GRID2: variants seen among roughly 807,000 people sequenced by gnomAD.
The protein encoded by GRID2 is glutamate receptor ionotropic, delta-2.
Under a neutral mutation model 114.8 loss-of-function variants are expected in GRID2, and 33 were observed. That is an observed-to-expected ratio of 0.29 (90% CI 0.22 to 0.38). GRID2 has a LOEUF of 0.38. Among genes scored for constraint, GRID2 ranks in the 10% least tolerant of loss-of-function variants. The probability of loss-of-function intolerance (pLI) is 1.00; values close to 1 mark genes in which losing one functional copy is unlikely to be tolerated. For synonymous variants in GRID2, 505 were observed against 449.9 expected, an observed-to-expected ratio of 1.12 and a Z score of -1.55; for missense variants, 1,184 against 1,257.7, an observed-to-expected ratio of 0.94 and a Z score of 0.89.
intron 2 of GRID2, among the ~76,000 whole-genome samples, chr4:92,759,870 C>A (rs1737906730): frequency 6.6e-6 from 1 of 151,070 alleles, no homozygotes; most frequent in Non-Finnish European, 1.5e-5. Flanking sequence ...CAGGTGATCA[C>A]CTGCCTCAGC....
At chr4:93,305,732 G>T (rs1016046713) in intron 8 of GRID2, among the ~76,000 whole-genome samples, 1 of 152,280 alleles carries the variant, frequency 6.6e-6, no homozygotes, top group African/African-American at 2.4e-5. Flanking sequence ...TGGAACAGGA[G>T]CAGCCAGCAT....
chr4:93,511,136 C>T (rs1393610807), intron 12 of GRID2, among the ~76,000 whole-genome samples: 1 of 151,984 alleles, frequency 6.6e-6, no homozygotes, highest in African/African-American at 2.4e-5. Flanking sequence ...AGGGTTTCAC[C>T]ATGTTGGCCA....
chr4:93,123,883 G>C (rs2149365408), intron 4 of GRID2, among the ~76,000 whole-genome samples: 1 of 148,018 alleles, frequency 6.8e-6, no homozygotes, highest in East Asian at 2.0e-4. Flanking sequence ...TTTTTATTGA[G>C]TTTTCCCTCC....
In GRID2 at chr4:93,344,053, T is replaced by G. The variant is rs144000724; in HGVS notation, c.1246-51554T>G. On this transcript the variant is annotated intron_variant, in intron 8 of 15. Coordinates refer to ENST00000282020, the MANE Select transcript of GRID2 (RefSeq NM_001510.4). ...TTGTCTGAAATTTCAAATGAAGACC[T>G]TTCCAAAGTAATAGTTATAAGTAAA... Among the ~76,000 whole-genome samples the G allele has an allele frequency of 4.3e-4, 66 of 152,190 alleles. No homozygotes were observed. The East Asian group carries it at 4.8e-3, about 11-fold the overall frequency.
At chr4:92,661,677 C>T (rs1732526130) in intron 2 of GRID2, among the ~76,000 whole-genome samples, 2 of 150,694 alleles carry the variant, frequency 1.3e-5, no homozygotes, top group Admixed American at 6.6e-5. Context: ...TAATATCAGC[C>T]ATTTAAATTT....
At chr4:93,645,332 C>G (rs1291770351) in intron 14 of GRID2, among the ~76,000 whole-genome samples, 1 of 152,048 alleles carries the variant, frequency 6.6e-6, no homozygotes, top group Non-Finnish European at 1.5e-5. Context: ...GTATGTTGAA[C>G]TTGGGGCACC....
At chr4:92,848,886 C>T (rs555607947) in intron 2 of GRID2, among the ~76,000 whole-genome samples, 149 of 151,974 alleles carry the variant, frequency 9.8e-4, no homozygotes, top group Admixed American at 4.1e-3. Context: ...TGTGAGGACA[C>T]TGTGAGGGAG....
intron 14 of GRID2, among the ~76,000 whole-genome samples, chr4:93,692,802 A>G (rs1483712987): frequency 6.6e-6 from 1 of 152,166 alleles, no homozygotes; most frequent in Non-Finnish European, 1.5e-5. Context: ...AGGAATGAAC[A>G]TGCTATTTTT....
intron 10 of GRID2, among the ~76,000 whole-genome samples, chr4:93,426,886 C>G (rs114144272): frequency 0.012 from 1,833 of 151,906 alleles, 39 homozygotes; most frequent in African/African-American, 0.042. Context: ...TTTTGTTCAA[C>G]CGGATATTTA....
chr4:93,450,560 A>G (rs887327783), intron 10 of GRID2, among the ~76,000 whole-genome samples: 1 of 151,762 alleles, frequency 6.6e-6, no homozygotes, highest in Admixed American at 6.6e-5. Context: ...TTTAGAGTAA[A>G]TGTATTTCAA....
At chr4:93,624,586 A>AAATTTTTAT (rs1273792347) in intron 13 of GRID2, among the ~76,000 whole-genome samples, 2 of 152,126 alleles carry the variant, frequency 1.3e-5, no homozygotes, top group Non-Finnish European at 2.9e-5. Context: ...AGATCATTTA[A>AAATTTTTAT]AAATTTTATA....
At chr4:92,543,482 T>C (rs1488598841) in intron 1 of GRID2, among the ~76,000 whole-genome samples, 3 of 152,194 alleles carry the variant, frequency 2.0e-5, no homozygotes, top group Non-Finnish European at 2.9e-5. Flanking sequence ...GCACATCCTA[T>C]TAGCCTTAAT....
At chr4:93,786,441 G>A (rs1039965314) in intron 1 of GRID2, among the ~76,000 whole-genome samples, 2 of 152,224 alleles carry the variant, frequency 1.3e-5, no homozygotes, top group African/African-American at 4.8e-5. Context: ...AGAGGGCAAA[G>A]CTTGAGAATA....
intron 13 of GRID2, among the ~76,000 whole-genome samples, chr4:93,557,656 A>G (rs1489448403): frequency 6.6e-6 from 1 of 152,162 alleles, no homozygotes; most frequent in African/African-American, 2.4e-5. Context: ...TTAACACCCC[A>G]CTGTCAGTAT....
At chr4:92,995,131 A>AC (rs1360870732) in intron 2 of GRID2, among the ~76,000 whole-genome samples, 1 of 151,842 alleles carries the variant, frequency 6.6e-6, no homozygotes, top group East Asian at 1.9e-4. Context: ...AGCTCTAGAG[A>AC]CCTCCCTCCT....
chr4:93,042,275 T>C lies in GRID2; in HGVS notation c.245-42720T>C, dbSNP rs28566932. Among the ~76,000 whole-genome samples the C allele has an allele frequency of 5.1e-3, 640 of 125,572 alleles. 4 individuals are homozygous for C. The highest frequency in any genetic ancestry group is 0.015 in the African/African-American group (466 of 31,112). 82.4% of individuals were successfully genotyped at this position (125,572 alleles called of 152,430 possible). A position where few individuals can be genotyped will look rare whatever the true frequency, so the allele number is the denominator to read the frequency against. Reference sequence around the variant, plus strand: ...TCTCTCTCTCTCTCTCTCTCTCTCTTTCTCTCTCTCTCTCTCTCTCTCTCT... The same window carrying C: ...TCTCTCTCTCTCTCTCTCTCTCTCTCTCTCTCTCTCTCTCTCTCTCTCTCT... On this transcript the variant is annotated intron_variant, in intron 2 of 15. Transcript: ENST00000282020.
chr4:92,724,934 T>G (rs2149319989), intron 2 of GRID2, among the ~76,000 whole-genome samples: 1 of 152,262 alleles, frequency 6.6e-6, no homozygotes, highest in Non-Finnish European at 1.5e-5. Flanking sequence ...CACATAACTC[T>G]ATATATCCTA....
chr4:93,661,267 T>C (rs1044683770), intron 14 of GRID2, among the ~76,000 whole-genome samples: 1 of 152,240 alleles, frequency 6.6e-6, no homozygotes. Context: ...GTTTGCTCGA[T>C]GCTTAAGTTT....
At chr4:93,262,227 T>G (rs1012440022) in intron 8 of GRID2, among the ~76,000 whole-genome samples, 1 of 151,986 alleles carries the variant, frequency 6.6e-6, no homozygotes, top group Non-Finnish European at 1.5e-5. Context: ...TTAGGTCTTA[T>G]ATATTAGGGC....
Sources: gnomAD v4.1 joint callset for allele counts (sites outside exome capture counted in the v4.1 genomes callset) on GRCh38, gnomAD v4.1.1 for gene constraint, MANE v1.5 for transcripts, NCBI Gene and HGNC (gene_info 2026-07-23, HGNC 2026-07-21) for gene names.